ATP2B2: variants seen among roughly 807,000 people sequenced by gnomAD.
ATP2B2 encodes the protein plasma membrane calcium-transporting ATPase 2.
Under a neutral mutation model 120.0 loss-of-function variants are expected in ATP2B2, and 15 were observed. The observed-to-expected ratio is 0.12, with a 90% confidence interval of 0.08 to 0.19. ATP2B2 has a LOEUF of 0.19. Among genes scored for constraint, ATP2B2 ranks in the 10% least tolerant of loss-of-function variants. The pLI is 1.00. For synonymous variants in ATP2B2, 694 were observed against 700.3 expected (o/e 0.99, Z 0.14); for missense variants, 1,045 against 1,719.8 (o/e 0.61, Z 6.94).
intron 3 of ATP2B2, among the ~76,000 whole-genome samples, chr3:10,406,568 G>A (rs1023610180): frequency 6.6e-6 from 1 of 152,226 alleles, no homozygotes; most frequent in African/African-American, 2.4e-5. Flanking sequence ...TAGCCTAGGA[G>A]CAACGGGCTG....
intron 2 of ATP2B2, among the ~76,000 whole-genome samples, chr3:10,586,828 TG>T (rs1223869233): frequency 6.6e-6 from 1 of 152,132 alleles, no homozygotes; most frequent in African/African-American, 2.4e-5. Context: ...TAAACACATG[TG>T]GCATCCAGAC....
chr3:10,392,011 T>C (rs2061867941), intron 5 of ATP2B2, among the ~76,000 whole-genome samples: 2 of 152,078 alleles, frequency 1.3e-5, no homozygotes, highest in Admixed American at 6.5e-5. Context: ...ACAGGATGAA[T>C]GCCCTTCTCC....
intron 22 of ATP2B2, chr3:10,332,330 G>A (rs926195923): frequency 9.9e-6 from 4 of 405,614 alleles, no homozygotes; most frequent in Non-Finnish European, 1.8e-5. Flanking sequence ...TGGCTTATGG[G>A]GCTGGCTCTT....
intron 1 of ATP2B2, among the ~76,000 whole-genome samples, chr3:10,481,406 G>A (rs1278603590): frequency 6.6e-6 from 1 of 151,698 alleles, no homozygotes; most frequent in African/African-American, 2.4e-5. Flanking sequence ...TCCCCCAGAT[G>A]TCTGCACGTT....
At chr3:10,682,834 G>C (rs374195427) in intron 1 of ATP2B2, among the ~76,000 whole-genome samples, 2 of 152,188 alleles carry the variant, frequency 1.3e-5, no homozygotes, top group East Asian at 3.8e-4. Context: ...TGATCCCACC[G>C]GCTTCTGATG....
chr3:10,549,463 T>C (rs145311189), intron 2 of ATP2B2, among the ~76,000 whole-genome samples: 3,099 of 152,054 alleles, frequency 0.02, 54 homozygotes, highest in Admixed American at 0.04. Context: ...AACAAGCTCA[T>C]GCATATAAAT....
chr3:10,375,943 G>A lies in ATP2B2; in HGVS notation c.1202-299C>T, dbSNP rs983231015. On this transcript the variant is annotated intron_variant, in intron 10 of 22. Coordinates refer to ENST00000360273, the MANE Select transcript of ATP2B2 (RefSeq NM_001001331.4). The surrounding 1 kb of genome is among the most constrained non-coding windows in gnomAD (Gnocchi z 4.2). ...TAGTGCTCGGCAATAGTATGTGCTC[G>A]ACACATAGTAGGTGCTCAAGAGATG... Among the ~76,000 whole-genome samples, 7 of 152,220 alleles carry A rather than the reference G, an allele frequency of 4.6e-5. No homozygotes were observed. Among genetic ancestry groups the A allele is most frequent in the Admixed American group, 1.3e-4 (2 of 15,290 alleles).
At chr3:10,513,348 T>C (rs1023654064) in intron 3 of ATP2B2, among the ~76,000 whole-genome samples, 1 of 151,938 alleles carries the variant, frequency 6.6e-6, no homozygotes, top group Non-Finnish European at 1.5e-5. Flanking sequence ...CAGTTCTCAA[T>C]GAATTAAAAG....
chr3:10,544,036 G>C (rs2067492774), intron 2 of ATP2B2, among the ~76,000 whole-genome samples: 1 of 152,108 alleles, frequency 6.6e-6, no homozygotes, highest in Admixed American at 6.5e-5. Context: ...ACCACACCTG[G>C]CCCTGTTCTT....
chr3:10,378,295 C>A lies in ATP2B2; in HGVS notation c.1158G>T (p.Leu386=). The change falls in exon 10 of 23, where the codon CTG becomes CTT. Residue 386 remains leucine (L), a synonymous_variant. Coordinates refer to ENST00000360273, the MANE Select transcript of ATP2B2 (RefSeq NM_001001331.4). ...ASMHKKEKSV[L]QGKLTKLAVQ... Reference sequence around the variant, plus strand: ...CAGCCAGCTTGGTGAGCTTGCCCTGCAGCACGGACTTCTCCTTCTTGTGCA... The same window carrying A: ...CAGCCAGCTTGGTGAGCTTGCCCTGAAGCACGGACTTCTCCTTCTTGTGCA... 2 of 1,609,616 alleles carry A rather than the reference C, an allele frequency of 1.2e-6. No homozygotes were observed. The highest frequency in any genetic ancestry group is 1.7e-6 in the Non-Finnish European group (2 of 1,180,024).
Position 10,388,368 on chromosome 3 carries a change from C to T in ATP2B2, c.816G>A (p.Leu272=). ...THVMEGSGRM[L]VTAVGVNSQT... ...GAGAGTTCACACCCACAGCAGTCAC[C>T]AACATCCGTCCTGAGCCCTCCATCA... Residue 272 remains leucine, a synonymous_variant, in exon 6 of 23, where the codon TTG becomes TTA. Coordinates refer to ENST00000360273, the MANE Select transcript of ATP2B2 (RefSeq NM_001001331.4). 6.2e-7 allele frequency: 1 copy of T among 1,614,168 alleles called. No individual in the cohort carries two copies. The highest frequency in any genetic ancestry group is 8.5e-7 in the Non-Finnish European group (1 of 1,180,042).
chr3:10,656,792 T>C (rs1483756233), intron 1 of ATP2B2, among the ~76,000 whole-genome samples: 2 of 152,232 alleles, frequency 1.3e-5, no homozygotes, highest in African/African-American at 2.4e-5. Flanking sequence ...CTCTAAGACA[T>C]GGCATAAACT....
At chr3:10,359,615 G>A (rs11710727) in intron 13 of ATP2B2, among the ~76,000 whole-genome samples, 3,175 of 152,310 alleles carry the variant, frequency 0.021, 53 homozygotes, top group Middle Eastern at 0.075. Context: ...AGCGGCTTAG[G>A]GAGGAGAAGG....
intron 1 of ATP2B2, among the ~76,000 whole-genome samples, chr3:10,623,484 G>C (rs928822103): frequency 6.6e-6 from 1 of 152,194 alleles, no homozygotes; most frequent in African/African-American, 2.4e-5. Context: ...AAGAATGGAA[G>C]GGAAGAAATC....
At chr3:10,472,268 C>A (rs2065045602) in intron 1 of ATP2B2, among the ~76,000 whole-genome samples, 2 of 152,102 alleles carry the variant, frequency 1.3e-5, no homozygotes, top group African/African-American at 4.8e-5. Flanking sequence ...TGCCCTCTTG[C>A]CACCTGCTGG....
chr3:10,692,664 G>A lies in ATP2B2; in HGVS notation c.-460+15251C>T, dbSNP rs144972782. 7.0e-3 allele frequency among the ~76,000 whole-genome samples: 1,071 copies of A among 152,218 alleles called. 5 individuals are homozygous for A. The highest frequency in any genetic ancestry group is 0.017 in the Admixed American group (260 of 15,294). Reference sequence around the variant, plus strand: ...ATGAACCTCCAGGATGTGGGTTCCCGGCCTCCCCAGGGCAACACTGGGTAG... The same window carrying A: ...ATGAACCTCCAGGATGTGGGTTCCCAGCCTCCCCAGGGCAACACTGGGTAG... On this transcript the variant is annotated intron_variant, in intron 1 of 21. Coordinates refer to the ATP2B2 transcript ENST00000646379.
rs2060355163 is a variant in ATP2B2 at position 10,343,902 on chromosome 3, C to T, written c.2704-937G>A. ...CTCGTCCTGTGGCTTTAGTTACATC[C>T]GTCTAGTGGCCTGTGGAACACCTCC... On this transcript the variant is annotated intron_variant, in intron 18 of 22. Transcript: ENST00000360273. This position sits in a 1 kb window ranked among gnomAD's most constrained non-coding sequence, Gnocchi z 4.2. Among the ~76,000 whole-genome samples the T allele has an allele frequency of 6.6e-6, 1 of 152,100 alleles. No individual in the cohort carries two copies.
chr3:10,455,214 A>G (rs2064208931), intron 1 of ATP2B2, among the ~76,000 whole-genome samples: 1 of 152,164 alleles, frequency 6.6e-6, no homozygotes, highest in South Asian at 2.1e-4. Context: ...CAGGAAAGAT[A>G]ACAAAATCAG....
intron 12 of ATP2B2, among the ~76,000 whole-genome samples, chr3:10,367,056 C>G (rs1279417581): frequency 6.6e-6 from 1 of 152,244 alleles, no homozygotes; most frequent in Non-Finnish European, 1.5e-5. Flanking sequence ...CCTCCTCCAC[C>G]CGTGCCTGGG....
Sources: gnomAD v4.1 joint callset for allele counts (sites outside exome capture counted in the v4.1 genomes callset) on GRCh38, gnomAD v4.1.1 for gene constraint, Gnocchi (gnomAD v3.1) non-coding constraint, MANE v1.5 for transcripts, NCBI Gene and HGNC (gene_info 2026-07-23, HGNC 2026-07-21) for gene names.